SESTD1: variants seen among roughly 807,000 people sequenced by gnomAD.
The protein encoded by SESTD1 is SEC14 domain and spectrin repeat-containing protein 1.
In SESTD1, 43 loss-of-function variants were observed where a neutral mutation model predicts 101.7. The ratio of observed to expected loss-of-function variants is 0.42; its 90% CI spans 0.33 to 0.55. The LOEUF (loss-of-function observed/expected upper bound fraction) is 0.55. Among genes scored for constraint, SESTD1 ranks in the 20% least tolerant of loss-of-function variants. The pLI, the probability that SESTD1 is intolerant of heterozygous loss-of-function variation, is 0.07. For synonymous variants in SESTD1, 283 were observed against 286.8 expected, an observed-to-expected ratio of 0.99 and a Z score of 0.13; for missense variants, 647 against 815.1, an observed-to-expected ratio of 0.79 and a Z score of 2.51.
chr2:179,134,917 A>G (rs926860904), intron 9 of SESTD1, among the ~76,000 whole-genome samples: 2 of 152,076 alleles, frequency 1.3e-5, no homozygotes, highest in African/African-American at 4.8e-5. Context: ...CCTCTATAAC[A>G]TATACAAACT....
At chr2:179,186,021 T>C (rs1270118087) in intron 2 of SESTD1, among the ~76,000 whole-genome samples, 2 of 145,300 alleles carry the variant, frequency 1.4e-5, no homozygotes, top group Non-Finnish European at 3.0e-5. Flanking sequence ...CAATATAGTA[T>C]ATTACATACA....
intron 3 of SESTD1, among the ~76,000 whole-genome samples, chr2:179,179,640 T>C (rs2046073192): frequency 6.6e-6 from 1 of 152,236 alleles, no homozygotes; most frequent in African/African-American, 2.4e-5. Flanking sequence ...AAGAATGTTA[T>C]CTTACAAATG....
intron 1 of SESTD1, among the ~76,000 whole-genome samples, chr2:179,223,793 T>C (rs1030088467): frequency 2.6e-5 from 4 of 152,206 alleles, no homozygotes; most frequent in African/African-American, 9.6e-5. Flanking sequence ...ATAACATTTA[T>C]GTTCATAGAT....
chr2:179,183,057 AG>A, intron 3 of SESTD1, 22 bp downstream of exon 3: 3 of 1,485,740 alleles, frequency 2.0e-6, no homozygotes, highest in Non-Finnish European at 2.7e-6. Context: ...CTGAGATTTA[AG>A]AAAAGACACC....
At chr2:179,127,011 A>G (rs1407984235) in intron 10 of SESTD1, among the ~76,000 whole-genome samples, 1 of 152,028 alleles carries the variant, frequency 6.6e-6, no homozygotes, top group Admixed American at 6.5e-5. Flanking sequence ...TGCTTAAAAC[A>G]TAAATTAATT....
intron 1 of SESTD1, among the ~76,000 whole-genome samples, chr2:179,250,781 G>A (rs1181635205): frequency 1.3e-5 from 2 of 152,106 alleles, no homozygotes; most frequent in Non-Finnish European, 2.9e-5. Flanking sequence ...GAAATTTGTG[G>A]GGATATAATT....
chr2:179,206,461 T>C (rs1457823022), intron 1 of SESTD1, among the ~76,000 whole-genome samples: 2 of 135,198 alleles, frequency 1.5e-5, no homozygotes, highest in Non-Finnish European at 3.2e-5. Flanking sequence ...CTGTGTGAAA[T>C]ATAAAAGGAG....
At chr2:179,126,752 A>G (rs2044883071) in intron 10 of SESTD1, among the ~76,000 whole-genome samples, 1 of 152,038 alleles carries the variant, frequency 6.6e-6, no homozygotes, top group Non-Finnish European at 1.5e-5. Flanking sequence ...ACTACTAGAT[A>G]TCTAAAATCT....
rs1222622830 is a variant in SESTD1, at chr2:179,228,761, C to G, written c.-26+35738G>C. Among the ~76,000 whole-genome samples the G allele has an allele frequency of 3.3e-5, 5 of 152,270 alleles. No homozygotes were observed. The South Asian group carries it at 1.0e-3, about 32-fold the overall frequency. On this transcript the variant is annotated intron_variant, in intron 1 of 17. Transcript: ENST00000428443. ...AACAAGAAGAACAAATAAAACCATA[C>G]AAATTTCACGCTTTTAATACAAGAC... is the stretch of plus-strand genomic sequence containing the variant.
chr2:179,253,985 A>C (rs1441366239), intron 1 of SESTD1, among the ~76,000 whole-genome samples: 3 of 152,082 alleles, frequency 2.0e-5, no homozygotes, highest in Non-Finnish European at 4.4e-5. Context: ...CTATAGTCCC[A>C]GCTACTCAGG....
At chr2:179,235,935 C>T (rs1345704173) in intron 1 of SESTD1, among the ~76,000 whole-genome samples, 1 of 152,124 alleles carries the variant, frequency 6.6e-6, no homozygotes, top group East Asian at 1.9e-4. Flanking sequence ...AATCCTTTGT[C>T]CATGAAATTC....
intron 2 of SESTD1, among the ~76,000 whole-genome samples, chr2:179,183,894 G>A (rs556202116): frequency 6.7e-6 from 1 of 149,684 alleles, no homozygotes; most frequent in South Asian, 2.2e-4. Flanking sequence ...GGGAGGAAAC[G>A]AGGAAGGGAG....
intron 1 of SESTD1, among the ~76,000 whole-genome samples, chr2:179,251,249 G>C (rs536185970): frequency 3.7e-4 from 56 of 152,314 alleles, no homozygotes; most frequent in African/African-American, 1.3e-3. Context: ...TGGCTGCCAG[G>C]TATTAAGGAG....
intron 17 of SESTD1, among the ~76,000 whole-genome samples, chr2:179,110,448 T>C (rs2044482561): frequency 6.6e-6 from 1 of 152,206 alleles, no homozygotes; most frequent in Non-Finnish European, 1.5e-5. Flanking sequence ...ATGACATTTT[T>C]TGGTACATTA....
At position 179,234,146 on chromosome 2, in the gene SESTD1, A is replaced by G. The variant is rs576993402; in HGVS notation, c.-26+30353T>C. Among the ~76,000 whole-genome samples, 4 of 152,310 alleles carry G rather than the reference A, an allele frequency of 2.6e-5. No individual in the cohort carries two copies. The South Asian group carries it at 8.3e-4, about 32-fold the overall frequency. On this transcript the variant is annotated intron_variant, in intron 1 of 17. Coordinates refer to ENST00000428443, the MANE Select transcript of SESTD1 (RefSeq NM_178123.5). ...TCTCAGTAAGAGGCATTCCTCCAGC[A>G]GGACTGCCTTCAGACTTCATTTACA...
chr2:179,154,391 T>C (rs2045587402), intron 5 of SESTD1, among the ~76,000 whole-genome samples: 1 of 152,144 alleles, frequency 6.6e-6, no homozygotes, highest in Non-Finnish European at 1.5e-5. Flanking sequence ...TATTACTGGA[T>C]AGACAAATAA....
intron 4 of SESTD1, among the ~76,000 whole-genome samples, chr2:179,174,638 T>C (rs903831804): frequency 6.6e-6 from 1 of 152,196 alleles, no homozygotes; most frequent in Non-Finnish European, 1.5e-5. Context: ...GACACCAATT[T>C]GTGCTCCCTT....
chr2:179,200,630 T>C (rs10176829), intron 1 of SESTD1, among the ~76,000 whole-genome samples: 41,453 of 149,460 alleles, frequency 0.28, 6,013 homozygotes, highest in South Asian at 0.42. Flanking sequence ...TATCTACAAC[T>C]ATCTGATCTT....
intron 13 of SESTD1, among the ~76,000 whole-genome samples, chr2:179,118,511 A>G (rs1262879233): frequency 6.6e-6 from 1 of 152,220 alleles, no homozygotes; most frequent in African/African-American, 2.4e-5. Flanking sequence ...ATGTCCTTAA[A>G]GAAAGCTTAA....
Sources: allele counts gnomAD v4.1 joint callset (sites outside exome capture counted in the v4.1 genomes callset), GRCh38; gene constraint gnomAD v4.1.1; transcripts MANE v1.5; gene names NCBI Gene and HGNC (gene_info 2026-07-23, HGNC 2026-07-21).